RASGRF1: variants seen among roughly 807,000 people sequenced by gnomAD.
RASGRF1 encodes the protein ras-specific guanine nucleotide-releasing factor 1.
Under a neutral mutation model 138.7 loss-of-function variants are expected in RASGRF1, and 40 were observed. The ratio of observed to expected loss-of-function variants is 0.29; its 90% CI spans 0.22 to 0.38. The LOEUF (loss-of-function observed/expected upper bound fraction) is 0.38, where lower values mean the gene tolerates loss of function less well. Among genes scored for constraint, RASGRF1 ranks in the 10% least tolerant of loss-of-function variants. RASGRF1 has a pLI of 1.00. For missense variants in RASGRF1, 1,108 were observed against 1,650.4 expected, an observed-to-expected ratio of 0.67 and a Z score of 5.69; for synonymous variants, 614 against 663.2, an observed-to-expected ratio of 0.93 and a Z score of 1.14.
chr15:79,065,743 G>T (rs1262687103), intron 1 of RASGRF1, among the ~76,000 whole-genome samples: 1 of 152,138 alleles, frequency 6.6e-6, no homozygotes, highest in Non-Finnish European at 1.5e-5. Flanking sequence ...GGCCAGCCAT[G>T]GTGTGACACT....
chr15:79,012,561 A>G (rs765442054), intron 13 of RASGRF1: 1 of 1,614,018 alleles, frequency 6.2e-7, no homozygotes, highest in Non-Finnish European at 8.5e-7. Flanking sequence ...ATTGGTAAGC[A>G]GATGGGTCCT....
intron 1 of RASGRF1, among the ~76,000 whole-genome samples, chr15:79,069,418 T>C (rs1359479964): frequency 6.6e-6 from 1 of 152,212 alleles, no homozygotes; most frequent in Non-Finnish European, 1.5e-5. Context: ...CCGTTTGCTG[T>C]CTTTGGTTAG....
chr15:78,985,926 G>T (rs1287600725), intron 22 of RASGRF1: 1 of 83,372 alleles, frequency 1.2e-5, no homozygotes, highest in African/African-American at 5.0e-5. Flanking sequence ...CTCCATCTCA[G>T]AAAAAAAAAA....
chr15:79,063,931 G>T (rs1175254748), intron 2 of RASGRF1, among the ~76,000 whole-genome samples: 1 of 152,126 alleles, frequency 6.6e-6, no homozygotes, highest in African/African-American at 2.4e-5. Context: ...CCCTACAGGG[G>T]GCACTTACTG....
At chr15:79,049,814 C>T (rs2057406646) in intron 3 of RASGRF1, among the ~76,000 whole-genome samples, 1 of 152,170 alleles carries the variant, frequency 6.6e-6, no homozygotes, top group African/African-American at 2.4e-5. Flanking sequence ...GGGTAGACAC[C>T]TGGGTTCCAG....
chr15:79,079,135 G>C (rs548442894), intron 1 of RASGRF1, among the ~76,000 whole-genome samples: 1 of 152,340 alleles, frequency 6.6e-6, no homozygotes, highest in Admixed American at 6.5e-5. Context: ...CTGTTTTAAT[G>C]TAAACTACTC....
At chr15:79,057,592 G>T (rs1368544198) in intron 3 of RASGRF1, among the ~76,000 whole-genome samples, 1 of 152,216 alleles carries the variant, frequency 6.6e-6, no homozygotes, top group Non-Finnish European at 1.5e-5. Context: ...AGATCATTCT[G>T]TGCCAGGGTT....
At chr15:79,078,273 T>C (rs1354054514) in intron 1 of RASGRF1, among the ~76,000 whole-genome samples, 2 of 151,714 alleles carry the variant, frequency 1.3e-5, no homozygotes, top group Non-Finnish European at 1.5e-5. Flanking sequence ...TCCAGCTCCC[T>C]TTTCCATCTC....
intron 18 of RASGRF1, 23 bp downstream of exon 18, chr15:78,998,696 G>A: frequency 1.3e-6 from 2 of 1,586,392 alleles, no homozygotes; most frequent in South Asian, 1.1e-5. Flanking sequence ...CCAGCAGCCT[G>A]CCCAGGGAGG....
chr15:79,020,677 A>T (rs2056948295), intron 10 of RASGRF1, among the ~76,000 whole-genome samples: 1 of 152,198 alleles, frequency 6.6e-6, no homozygotes, highest in Non-Finnish European at 1.5e-5. Context: ...AATTATTAGG[A>T]ATACCTGGAA....
At chr15:78,977,105 G>A (rs979906671) in intron 24 of RASGRF1, among the ~76,000 whole-genome samples, 4 of 152,094 alleles carry the variant, frequency 2.6e-5, no homozygotes, top group African/African-American at 7.2e-5. Flanking sequence ...ACCAGCTGCT[G>A]CTGGCAAGAG....
At chr15:78,962,861 T>C (rs575421803) in intron 26 of RASGRF1, among the ~76,000 whole-genome samples, 3 of 152,276 alleles carry the variant, frequency 2.0e-5, no homozygotes, top group Non-Finnish European at 2.9e-5. Flanking sequence ...CCAGCTTGGG[T>C]ACAGACCTTG....
At chr15:79,080,913 A>G (rs372255917) in intron 1 of RASGRF1, among the ~76,000 whole-genome samples, 107 of 152,298 alleles carry the variant, frequency 7.0e-4, no homozygotes, top group African/African-American at 2.1e-3. Context: ...TAGACACTCA[A>G]TTGGTATTTG....
intron 1 of RASGRF1, among the ~76,000 whole-genome samples, chr15:79,085,195 A>G (rs1449388254): frequency 1.3e-5 from 2 of 152,256 alleles, no homozygotes; most frequent in African/African-American, 2.4e-5. Flanking sequence ...CGTTTAGGCT[A>G]AGACCTGCAG....
At chr15:79,061,816 C>T (rs768316815) in intron 2 of RASGRF1, among the ~76,000 whole-genome samples, 15 of 152,174 alleles carry the variant, frequency 9.9e-5, no homozygotes, top group Non-Finnish European at 1.6e-4. Flanking sequence ...TTGATGGACA[C>T]GCTGGCTATT....
At chr15:79,059,372 TCCTTCCCTTCCCTTCCCTTC>T (rs370008646) in intron 2 of RASGRF1, among the ~76,000 whole-genome samples, 4,901 of 38,388 alleles carry the variant, frequency 0.13, 359 homozygotes, top group African/African-American at 0.23. Flanking sequence ...CCCTTCCCAA[TCCTTCCCTTCCCTTCCCTTC>T]CCTTCCCTTC....
Position 79,090,595 on chromosome 15 carries a change from G to C in RASGRF1, c.-97C>G, listed in dbSNP as rs1000264285. On this transcript the variant is annotated 5_prime_UTR_variant, in exon 1 of 27. Coordinates refer to ENST00000558480, the MANE Select transcript of RASGRF1 (RefSeq NM_001145648.3). ...TGCGCGCTGCCTCTCTCTGGCGCTC[G>C]CTCGCTCGCTCCCTCTAGCTCTCCC... 2 of 1,515,332 alleles carry C rather than the reference G, an allele frequency of 1.3e-6. No homozygotes were observed. Among genetic ancestry groups the C allele is most frequent in the Non-Finnish European group, 1.8e-6 (2 of 1,121,382 alleles). 93.9% of individuals were successfully genotyped at this position (1,515,332 alleles called of 1,614,324 possible). A position where few individuals can be genotyped will look rare whatever the true frequency, so the allele number is the denominator to read the frequency against.
intron 26 of RASGRF1, among the ~76,000 whole-genome samples, chr15:78,965,894 G>A (rs1388127328): frequency 6.6e-6 from 1 of 152,176 alleles, no homozygotes; most frequent in African/African-American, 2.4e-5. Flanking sequence ...GAGGCAGAAG[G>A]TAACACAGTT....
At chr15:79,001,982 C>G (rs546430606) in intron 15 of RASGRF1, among the ~76,000 whole-genome samples, 195 bp from the exon 16 acceptor site, 1 of 152,200 alleles carries the variant, frequency 6.6e-6, no homozygotes, top group Non-Finnish European at 1.5e-5. Context: ...TGAGCACTGT[C>G]GATCTCCAAG....
Sources: allele counts gnomAD v4.1 joint callset (sites outside exome capture counted in the v4.1 genomes callset), GRCh38; gene constraint gnomAD v4.1.1; transcripts MANE v1.5; gene names NCBI Gene and HGNC (gene_info 2026-07-23, HGNC 2026-07-21).